DGKG: variants seen among roughly 807,000 people sequenced by gnomAD.
The protein encoded by DGKG is diacylglycerol kinase gamma, also known as DAG kinase gamma.
DGKG carries 78 observed loss-of-function variants against 105.3 expected under a neutral mutation model. The ratio of observed to expected loss-of-function variants is 0.74; its 90% CI spans 0.62 to 0.89. DGKG has a LOEUF of 0.89. Ranked by LOEUF, DGKG falls within the 40% of genes least tolerant of loss-of-function variation. The pLI is 0.00. For synonymous variants in DGKG, 346 were observed against 367.1 expected (o/e 0.94, Z 0.66); for missense variants, 958 against 1,020.1 (o/e 0.94, Z 0.83).
In DGKG at chr3:186,194,803, T is replaced by TAAAAAAAAAAAAAAAAAAAAAA. The variant is rs57878064; in HGVS notation, c.1918-6425_1918-6424insTTTTTTTTTTTTTTTTTTTTTT. Among the ~76,000 whole-genome samples the TAAAAAAAAAAAAAAAAAAAAAA allele has an allele frequency of 4.5e-4, 47 of 105,382 alleles. 1 individual carries two copies. The highest frequency in any genetic ancestry group is 1.6e-3 in the African/African-American group (46 of 27,912). The allele number at this position is 105,382 out of a possible 152,430, so 69.1% of individuals were successfully genotyped here. ...CCACGACTCTTTCTTGGTCTTTCTTTAAAAAAAAAAAAAAAAAAAGCCGGG... is the reference window on the plus strand; with the variant it reads ...CCACGACTCTTTCTTGGTCTTTCTTTAAAAAAAAAAAAAAAAAAAAAAAAAAAAAAAAAAAAAAAAAGCCGGG... On this transcript the variant is annotated intron_variant, in intron 21 of 24. Coordinates refer to ENST00000265022, the MANE Select transcript of DGKG (RefSeq NM_001346.3).
chr3:186,309,882 T>C (rs550018015), intron 2 of DGKG, among the ~76,000 whole-genome samples: 1 of 152,246 alleles, frequency 6.6e-6, no homozygotes, highest in East Asian at 1.9e-4. Context: ...ATTCATCATA[T>C]GTTCGCATAA....
chr3:186,166,819 A>G (rs1314118936), intron 22 of DGKG, among the ~76,000 whole-genome samples: 1 of 152,088 alleles, frequency 6.6e-6, no homozygotes, highest in Non-Finnish European at 1.5e-5. Flanking sequence ...AGTGGCAGAG[A>G]CAGATGTCTT....
chr3:186,273,370 T>TCC (rs1560127531), intron 10 of DGKG, among the ~76,000 whole-genome samples: 4 of 127,492 alleles, frequency 3.1e-5, no homozygotes, highest in African/African-American at 1.1e-4. Context: ...TGTACCCCTT[T>TCC]TTTTTTTTTT....
chr3:186,352,777 C>A (rs1726695499), intron 1 of DGKG, among the ~76,000 whole-genome samples: 1 of 152,146 alleles, frequency 6.6e-6, no homozygotes, highest in Admixed American at 6.6e-5. Context: ...CCCTCAAAAG[C>A]CTCTCAGGGG....
intron 6 of DGKG, among the ~76,000 whole-genome samples, chr3:186,285,533 A>G (rs1723021038): frequency 6.6e-6 from 1 of 152,162 alleles, no homozygotes. Context: ...AAATCTGGAC[A>G]AGGGACTACA....
intron 24 of DGKG, among the ~76,000 whole-genome samples, chr3:186,152,114 T>C (rs576659751): frequency 1.5e-4 from 23 of 151,712 alleles, no homozygotes; most frequent in Admixed American, 3.9e-4. Flanking sequence ...CTCCAGGAAA[T>C]GGAAGGGAAG....
intron 5 of DGKG, among the ~76,000 whole-genome samples, chr3:186,294,872 G>A (rs947534001): frequency 1.3e-5 from 2 of 152,244 alleles, no homozygotes; most frequent in Admixed American, 1.3e-4. Context: ...ATTTTGTGGA[G>A]TCTTGGCCTG....
At chr3:186,188,439 GCT>G in intron 21 of DGKG, 60 bp from the exon 22 acceptor site, 1 of 1,549,098 alleles carries the variant, frequency 6.5e-7, no homozygotes, top group Non-Finnish European at 8.8e-7. Flanking sequence ...AACCCAAGGT[GCT>G]CTGTGTGTGT....
At chr3:186,259,095 GCTCTCCGACGGGA>G (rs11271469) in intron 16 of DGKG, among the ~76,000 whole-genome samples, 11,730 of 124,830 alleles carry the variant, frequency 0.094, 835 homozygotes, top group African/African-American at 0.23. Context: ...GCAGAACTCT[GCTCTCCGACGGGA>G]CTCTCCGACG....
chr3:186,334,865 T>C (rs959143998), intron 1 of DGKG, among the ~76,000 whole-genome samples: 1 of 152,188 alleles, frequency 6.6e-6, no homozygotes, highest in Non-Finnish European at 1.5e-5. Context: ...TGGCAGTACT[T>C]GGCATAAGAA....
At chr3:186,255,189 C>T (rs531027978) in intron 17 of DGKG, among the ~76,000 whole-genome samples, 1 of 152,342 alleles carries the variant, frequency 6.6e-6, no homozygotes, top group African/African-American at 2.4e-5. Flanking sequence ...GTCTCATTCT[C>T]ACAGCATCTT....
At chr3:186,335,830 G>C (rs1037434534) in intron 1 of DGKG, among the ~76,000 whole-genome samples, 1 of 152,094 alleles carries the variant, frequency 6.6e-6, no homozygotes, top group African/African-American at 2.4e-5. Flanking sequence ...TCACCTCCCA[G>C]GACATTTGTG....
chr3:186,261,577 A>T, intron 15 of DGKG, 122 bp downstream of exon 15: 1 of 728,256 alleles, frequency 1.4e-6, no homozygotes, highest in Non-Finnish European at 2.5e-6. Flanking sequence ...ATAAAGTGGC[A>T]GGTGGCAGTG....
chr3:186,212,311 G>A (rs1578672352), intron 20 of DGKG, among the ~76,000 whole-genome samples: 1 of 152,196 alleles, frequency 6.6e-6, no homozygotes. Context: ...ATCCTTCTAA[G>A]ACTTGAGGGA....
At chr3:186,193,523 G>T (rs1453230715) in intron 21 of DGKG, among the ~76,000 whole-genome samples, 2 of 152,226 alleles carry the variant, frequency 1.3e-5, no homozygotes, top group Admixed American at 6.5e-5. Flanking sequence ...ACGGCCTCTT[G>T]GCCCGACCCA....
intron 1 of DGKG, among the ~76,000 whole-genome samples, chr3:186,337,243 T>A (rs1381488518): frequency 1.3e-5 from 2 of 152,212 alleles, no homozygotes; most frequent in South Asian, 4.1e-4. Context: ...AAATTCAGTA[T>A]AGCATTAAAA....
chr3:186,276,325 T>C (rs1480181408), intron 9 of DGKG, among the ~76,000 whole-genome samples: 1 of 152,218 alleles, frequency 6.6e-6, no homozygotes, highest in Non-Finnish European at 1.5e-5. Flanking sequence ...ATTTCGATGA[T>C]ATGTTATGAT....
intron 2 of DGKG, among the ~76,000 whole-genome samples, chr3:186,310,199 G>A (rs1406607907): frequency 6.7e-5 from 9 of 134,472 alleles, no homozygotes; most frequent in African/African-American, 2.2e-4. Flanking sequence ...CCCAGGAGGC[G>A]GAGCTTGCAA....
chr3:186,284,741 G>A lies in DGKG; in HGVS notation c.545-32C>T, dbSNP rs1268725711. 13 of 1,602,782 alleles carry A rather than the reference G, an allele frequency of 8.1e-6. No individual in the cohort carries two copies. The highest frequency in any genetic ancestry group is 1.1e-5 in the Non-Finnish European group (13 of 1,169,928). ...GAAACACAGAGGTAAGCCTTGAGGT[G>A]TCCTCTAAGAAGCGCGGATGGCTGA... On this transcript the variant is annotated intron_variant, in intron 6 of 24. Coordinates refer to ENST00000265022, the MANE Select transcript of DGKG (RefSeq NM_001346.3). This position sits in a 1 kb window ranked among gnomAD's most constrained non-coding sequence, Gnocchi z 4.0.
Sources: gnomAD v4.1 joint callset for allele counts (sites outside exome capture counted in the v4.1 genomes callset) on GRCh38, gnomAD v4.1.1 for gene constraint, Gnocchi (gnomAD v3.1) non-coding constraint, MANE v1.5 for transcripts, NCBI Gene and HGNC (gene_info 2026-07-23, HGNC 2026-07-21) for gene names.